The following SLN variants were observed in gnomAD, a reference collection of about 807,000 sequenced individuals.
SLN encodes the protein sarcolipin.
For missense variants in SLN, 34 were observed against 37.4 expected (o/e 0.91, Z 0.24); for synonymous variants, 19 against 14.4 (o/e 1.32, Z -0.72).
At chr11:107,709,628 C>G (rs1867190677) in intron 1 of SLN, among the ~76,000 whole-genome samples, 1 of 152,100 alleles carries the variant, frequency 6.6e-6, no homozygotes, top group South Asian at 2.1e-4. Flanking sequence ...GGGAGGATCC[C>G]TTGAGCCTAG....
chr11:107,711,320 T>G (rs931608937), intron 1 of SLN, among the ~76,000 whole-genome samples: 2 of 152,214 alleles, frequency 1.3e-5, no homozygotes, highest in Non-Finnish European at 2.9e-5. Flanking sequence ...TACTACTTCT[T>G]GCACTTTAAT....
intron 1 of SLN, among the ~76,000 whole-genome samples, chr11:107,711,483 T>C (rs899042384): frequency 1.3e-5 from 2 of 152,224 alleles, no homozygotes; most frequent in African/African-American, 4.8e-5. Flanking sequence ...TTATACACTT[T>C]AGGAAGAATG....
rs1456267285 is a variant in SLN at position 107,712,040 on chromosome 11, C to G, written c.-153G>C. 6.6e-6 allele frequency: 1 copy of G among 152,308 alleles called. No homozygotes were observed. Among genetic ancestry groups the G allele is most frequent in the Non-Finnish European group, 1.5e-5 (1 of 68,108 alleles). The allele number at this position is 152,308 out of a possible 1,614,324, so 9.4% of individuals were successfully genotyped here. ...TCCAACTTGAGCTCCAACTCCTTCT[C>G]CCCTCCCAGGCTGTCTGGACTCCTG... On this transcript the variant is annotated 5_prime_UTR_variant, in exon 1 of 2. Coordinates refer to ENST00000305991, the MANE Select transcript of SLN (RefSeq NM_003063.3).
At chr11:107,709,054 G>T (rs988655797) in intron 1 of SLN, among the ~76,000 whole-genome samples, 1 of 152,194 alleles carries the variant, frequency 6.6e-6, no homozygotes, top group African/African-American at 2.4e-5. Context: ...TTCAACAAGG[G>T]CTTGTGCCAG....
At chr11:107,708,067 C>T (rs563615166) in intron 1 of SLN, 62 bp from the exon 2 acceptor site, 7 of 664,498 alleles carry the variant, frequency 1.1e-5, no homozygotes, top group African/African-American at 1.8e-5. Context: ...TAACAATGCT[C>T]GTTCTTTCCT....
In SLN at chr11:107,708,011, A is replaced by C. The variant is rs530364260; in HGVS notation, c.-75-6T>G. The C allele has an allele frequency of 1.1e-6, 1 of 879,402 alleles. No homozygotes were observed. Among genetic ancestry groups the C allele is most frequent in the South Asian group, 1.3e-5 (1 of 74,570 alleles). 54.5% of individuals were successfully genotyped at this position (879,402 alleles called of 1,614,324 possible). The stretch of plus-strand genomic sequence containing the variant: ...CTCTGGCTTCTCCTCACCTCCTGAT[A>C]AAACATAACAAAGAAAACACAAGGA... On this transcript the variant is annotated splice_region_variant and splice_polypyrimidine_tract_variant and intron_variant, in intron 1 of 1. Coordinates refer to ENST00000305991, the MANE Select transcript of SLN (RefSeq NM_003063.3).
At position 107,707,860 on chromosome 11, in the gene SLN, A is replaced by T; in HGVS notation, c.71T>A (p.Leu24His). Reference sequence around the variant, plus strand: ...TCAGTACTGATAGGACCTCACAAGGAGCCACATAAGAATAACCGTAATCAA... The same window carrying T: ...TCAGTACTGATAGGACCTCACAAGGTGCCACATAAGAATAACCGTAATCAA... ...IVLITVILMW[L>H]LVRSYQY Residue 24 changes from leucine to histidine, a missense_variant, in exon 2 of 2, where the codon CTC becomes CAC. Physicochemically the swap from Leu to His is moderately conservative, Grantham distance 99. Transcript: ENST00000305991. 6.2e-7 allele frequency: 1 copy of T among 1,613,878 alleles called. No homozygotes were observed. The highest frequency in any genetic ancestry group is 8.5e-7 in the Non-Finnish European group (1 of 1,179,830).
chr11:107,711,024 G>C (rs899240984), intron 1 of SLN, among the ~76,000 whole-genome samples: 1 of 152,092 alleles, frequency 6.6e-6, no homozygotes, highest in Admixed American at 6.5e-5. Flanking sequence ...AAAATAGGGA[G>C]GTTAATCATA....
chr11:107,708,977 C>T (rs903892975), intron 1 of SLN, among the ~76,000 whole-genome samples: 1 of 152,198 alleles, frequency 6.6e-6, no homozygotes, highest in Non-Finnish European at 1.5e-5. Context: ...CTGGGATCAA[C>T]CAAAAGCCCC....
intron 1 of SLN, 77 bp downstream of exon 1, chr11:107,711,886 A>T (rs1867214492): frequency 6.6e-6 from 1 of 152,218 alleles, no homozygotes; most frequent in Non-Finnish European, 1.5e-5. Flanking sequence ...AGAAATGCAA[A>T]CATTCCTCTG....
intron 1 of SLN, among the ~76,000 whole-genome samples, chr11:107,709,033 G>C (rs546600910): frequency 2.8e-4 from 43 of 152,294 alleles, no homozygotes; most frequent in Admixed American, 2.4e-3. Context: ...TAACTTCATG[G>C]GTACTTCGGT....
intron 1 of SLN, among the ~76,000 whole-genome samples, chr11:107,710,460 T>C (rs1330594022): frequency 6.6e-6 from 1 of 152,232 alleles, no homozygotes; most frequent in Non-Finnish European, 1.5e-5. Context: ...GTTTTTATCT[T>C]TCTCAAGATT....
Position 107,707,964 on chromosome 11 carries a change from T to C in SLN, c.-34A>G, listed in dbSNP as rs1591158220. 2 of 1,505,892 alleles carry C rather than the reference T, an allele frequency of 1.3e-6. No homozygotes were observed. Among genetic ancestry groups the C allele is most frequent in the South Asian group, 1.1e-5 (1 of 88,996 alleles). The allele number at this position is 1,505,892 out of a possible 1,614,324, so 93.3% of individuals were successfully genotyped here. A position where few individuals can be genotyped will look rare whatever the true frequency, so the allele number is the denominator to read the frequency against. ...CGGCTTGGTGAGAACTGCAGGCAGA[T>C]TTCTGAGGGCACACCAAGGACCTCT... On this transcript the variant is annotated 5_prime_UTR_variant, in exon 2 of 2. Coordinates refer to ENST00000305991, the MANE Select transcript of SLN (RefSeq NM_003063.3).
intron 1 of SLN, 45 bp from the exon 2 acceptor site, chr11:107,708,050 T>C (rs1309305880): frequency 6.9e-6 from 5 of 728,962 alleles, no homozygotes; most frequent in African/African-American, 1.7e-5. Context: ...TAATGGGCAT[T>C]CCTGTATAAC....
Position 107,707,591 on chromosome 11 carries a change from AG to A in SLN, c.*243del. The A allele has an allele frequency of 2.2e-6, 1 of 447,082 alleles. No homozygotes were observed. Among genetic ancestry groups the A allele is most frequent in the Non-Finnish European group, 4.0e-6 (1 of 250,430 alleles). The allele number at this position is 447,082 out of a possible 1,614,324, so 27.7% of individuals were successfully genotyped here. A position where few individuals can be genotyped will look rare whatever the true frequency, so the allele number is the denominator to read the frequency against. On this transcript the variant is annotated 3_prime_UTR_variant, in exon 2 of 2. Coordinates refer to ENST00000305991, the MANE Select transcript of SLN (RefSeq NM_003063.3). Reference sequence around the variant, plus strand: ...TTTGTGGCTTGTCTAACACATTTTCAGTTAAGAGTTGGGGAATAAATCTACC... The same window carrying A: ...TTTGTGGCTTGTCTAACACATTTTCATTAAGAGTTGGGGAATAAATCTACC...
In SLN at chr11:107,707,821, C is replaced by T; in HGVS notation, c.*14G>A. On this transcript the variant is annotated 3_prime_UTR_variant, in exon 2 of 2. Transcript: ENST00000305991. ...GGAGCATCTCAGTCAATCCCAGGACCATGGCATGGCCTCTCAGTACTGATA... is the reference window on the plus strand; with the variant it reads ...GGAGCATCTCAGTCAATCCCAGGACTATGGCATGGCCTCTCAGTACTGATA... 6.3e-7 allele frequency: 1 copy of T among 1,597,376 alleles called. No homozygotes were observed. Among genetic ancestry groups the T allele is most frequent in the South Asian group, 1.1e-5 (1 of 90,742 alleles).
Position 107,707,834 on chromosome 11 carries a change from C to G in SLN, c.*1G>C, listed in dbSNP as rs12291814. 8,000 of 1,605,404 alleles carry G rather than the reference C, an allele frequency of 5.0e-3. 368 individuals are homozygous for G. In the African/African-American group the frequency reaches 0.093, roughly 19 times the overall value. On this transcript the variant is annotated 3_prime_UTR_variant, in exon 2 of 2. Transcript: ENST00000305991. ...CAATCCCAGGACCATGGCATGGCCT[C>G]TCAGTACTGATAGGACCTCACAAGG...
chr11:107,707,987 T>C lies in SLN; in HGVS notation c.-57A>G. 1 of 1,197,182 alleles carries C rather than the reference T, an allele frequency of 8.4e-7. No individual in the cohort carries two copies. Among genetic ancestry groups the C allele is most frequent in the Non-Finnish European group, 1.3e-6 (1 of 799,366 alleles). 74.2% of individuals were successfully genotyped at this position (1,197,182 alleles called of 1,614,324 possible). ...GATTTCTGAGGGCACACCAAGGACCTCTGGCTTCTCCTCACCTCCTGATAA... is the reference window on the plus strand; with the variant it reads ...GATTTCTGAGGGCACACCAAGGACCCCTGGCTTCTCCTCACCTCCTGATAA... On this transcript the variant is annotated 5_prime_UTR_variant, in exon 2 of 2. Coordinates refer to ENST00000305991, the MANE Select transcript of SLN (RefSeq NM_003063.3).
intron 1 of SLN, among the ~76,000 whole-genome samples, chr11:107,708,876 C>T (rs890619532): frequency 2.6e-5 from 4 of 152,178 alleles, no homozygotes; most frequent in East Asian, 1.9e-4. Flanking sequence ...CCTCAGGCTG[C>T]TGTAGGTCTT....
Sources: allele counts gnomAD v4.1 joint callset (sites outside exome capture counted in the v4.1 genomes callset), GRCh38; gene constraint gnomAD v4.1.1; transcripts MANE v1.5; gene names NCBI Gene and HGNC (gene_info 2026-07-23, HGNC 2026-07-21).